The following KIAA1958 variants were observed in gnomAD, a reference collection of about 807,000 sequenced individuals.
KIAA1958 encodes the protein uncharacterized protein KIAA1958.
A neutral mutation model predicts 47.2 loss-of-function variants in KIAA1958; 14 were observed. That is an observed-to-expected ratio of 0.30 (90% CI 0.20 to 0.46). KIAA1958 has a LOEUF of 0.46. Among genes scored for constraint, KIAA1958 ranks in the 20% least tolerant of loss-of-function variants. The probability of loss-of-function intolerance (pLI) is 1.00; values close to 1 mark genes in which losing one functional copy is unlikely to be tolerated. For synonymous variants in KIAA1958, 354 were observed against 353.3 expected (o/e 1.00, Z -0.02); for missense variants, 803 against 909.2 (o/e 0.88, Z 1.50).
rs114126497 is a variant in KIAA1958, at chr9:112,497,823, A to G, written c.-25+10705A>G. ...CACTGCTCCCCCAACCATTTCTAAC[A>G]TATTTGTATGATTAGATTTGAGGAG... On this transcript the variant is annotated intron_variant, in intron 1 of 3. Transcript: ENST00000337530. 5.2e-3 allele frequency among the ~76,000 whole-genome samples: 792 copies of G among 152,238 alleles called. 7 individuals carry two copies. Among genetic ancestry groups the G allele is most frequent in the African/African-American group, 0.018 (758 of 41,540 alleles).
intron 2 of KIAA1958, among the ~76,000 whole-genome samples, chr9:112,602,761 C>A (rs1409749131): frequency 6.6e-6 from 1 of 152,170 alleles, no homozygotes; most frequent in Non-Finnish European, 1.5e-5. Context: ...GATGTCCACA[C>A]CACCTTCCCT....
Position 112,534,840 on chromosome 9 carries a change from G to A in KIAA1958, c.-24-39217G>A, listed in dbSNP as rs150094619. Among the ~76,000 whole-genome samples, 5 of 152,204 alleles carry A rather than the reference G, an allele frequency of 3.3e-5. No individual in the cohort carries two copies. In the East Asian group the frequency reaches 5.8e-4, roughly 18 times the overall value. On this transcript the variant is annotated intron_variant, in intron 1 of 3. Transcript: ENST00000337530. Reference sequence around the variant, plus strand: ...ATTACAGGCGTGAGCCACTGTGCCCGGCCAATCTTTTTCTTATTGATTTAT... The same window carrying A: ...ATTACAGGCGTGAGCCACTGTGCCCAGCCAATCTTTTTCTTATTGATTTAT...
intron 2 of KIAA1958, among the ~76,000 whole-genome samples, chr9:112,598,392 A>G (rs1178309113): frequency 6.6e-6 from 1 of 152,198 alleles, no homozygotes; most frequent in South Asian, 2.1e-4. Context: ...CTTAAGGACA[A>G]TAGGAATTCA....
chr9:112,577,484 T>A (rs964458553), intron 2 of KIAA1958, among the ~76,000 whole-genome samples: 7 of 152,070 alleles, frequency 4.6e-5, no homozygotes, highest in African/African-American at 1.4e-4. Flanking sequence ...CTTAAATGGT[T>A]ATGAACCTAG....
intron 1 of KIAA1958, among the ~76,000 whole-genome samples, chr9:112,539,923 T>G (rs561266146): frequency 6.6e-6 from 1 of 152,268 alleles, no homozygotes; most frequent in South Asian, 2.1e-4. Context: ...ACTCCTGACC[T>G]CAAATGATTC....
At chr9:112,590,601 T>C (rs538506454) in intron 2 of KIAA1958, among the ~76,000 whole-genome samples, 3 of 152,172 alleles carry the variant, frequency 2.0e-5, no homozygotes, top group African/African-American at 7.2e-5. Context: ...ATCCACCCGC[T>C]TGGGCTCCCA....
chr9:112,644,708 A>G (rs1423797624), intron 2 of KIAA1958, among the ~76,000 whole-genome samples: 3 of 152,158 alleles, frequency 2.0e-5, no homozygotes, highest in Non-Finnish European at 4.4e-5. Context: ...CCCCTCTGAA[A>G]TATTCCTCCC....
chr9:112,528,104 T>C (rs1197756752), intron 1 of KIAA1958, among the ~76,000 whole-genome samples: 2 of 152,164 alleles, frequency 1.3e-5, no homozygotes, highest in Non-Finnish European at 2.9e-5. Context: ...CCCACAACCT[T>C]ATACTTGATC....
At chr9:112,644,728 C>T (rs2131242315) in intron 2 of KIAA1958, among the ~76,000 whole-genome samples, 1 of 152,272 alleles carries the variant, frequency 6.6e-6, no homozygotes, top group Non-Finnish European at 1.5e-5. Context: ...CTCCTTCCTA[C>T]AATTTTTCTC....
intron 1 of KIAA1958, among the ~76,000 whole-genome samples, chr9:112,556,386 A>G (rs1010063966): frequency 5.9e-5 from 9 of 152,218 alleles, no homozygotes; most frequent in Non-Finnish European, 7.3e-5. Flanking sequence ...TTGCTACCAA[A>G]TACACATGCC....
intron 1 of KIAA1958, among the ~76,000 whole-genome samples, chr9:112,538,387 A>C (rs950989877): frequency 6.6e-6 from 1 of 152,110 alleles, no homozygotes; most frequent in Admixed American, 6.6e-5. Flanking sequence ...GATGTGTCAG[A>C]CTGAACTAAA....
At chr9:112,593,726 A>G (rs1260287545) in intron 2 of KIAA1958, among the ~76,000 whole-genome samples, 1 of 151,898 alleles carries the variant, frequency 6.6e-6, no homozygotes, top group African/African-American at 2.4e-5. Flanking sequence ...TTGTAGAGTT[A>G]GTAAGTAAAA....
chr9:112,520,846 C>T (rs963001286), intron 1 of KIAA1958, among the ~76,000 whole-genome samples: 1 of 152,142 alleles, frequency 6.6e-6, no homozygotes, highest in Non-Finnish European at 1.5e-5. Context: ...ATATGTTGGT[C>T]CTTTTCAACA....
chr9:112,525,084 C>T (rs1415888287), intron 1 of KIAA1958, among the ~76,000 whole-genome samples: 2 of 152,170 alleles, frequency 1.3e-5, no homozygotes, highest in African/African-American at 4.8e-5. Context: ...AGTTGATTTA[C>T]CATCTTTGGA....
intron 1 of KIAA1958, among the ~76,000 whole-genome samples, chr9:112,491,214 C>T (rs565895211): frequency 1.3e-5 from 2 of 152,312 alleles, no homozygotes; most frequent in African/African-American, 4.8e-5. Flanking sequence ...GATCTTCCTG[C>T]CTTGGCCTCC....
intron 2 of KIAA1958, among the ~76,000 whole-genome samples, chr9:112,639,644 T>A (rs1250699348): frequency 6.6e-6 from 1 of 152,154 alleles, no homozygotes; most frequent in Non-Finnish European, 1.5e-5. Context: ...GATACTTTTT[T>A]CTCTTGACTC....
chr9:112,544,991 C>G (rs1835003778), intron 1 of KIAA1958, among the ~76,000 whole-genome samples: 1 of 151,848 alleles, frequency 6.6e-6, no homozygotes, highest in Non-Finnish European at 1.5e-5. Context: ...CCTGAGTGCC[C>G]CAGCGATCAA....
Position 112,611,799 on chromosome 9 carries a change from G to A in KIAA1958, c.1172-33851G>A, listed in dbSNP as rs116268219. Among the ~76,000 whole-genome samples, 1,369 of 152,118 alleles carry A rather than the reference G, an allele frequency of 9.0e-3. 25 individuals carry two copies. Among genetic ancestry groups the A allele is most frequent in the African/African-American group, 0.031 (1,304 of 41,534 alleles). On this transcript the variant is annotated intron_variant, in intron 2 of 3. Coordinates refer to ENST00000337530, the MANE Select transcript of KIAA1958 (RefSeq NM_133465.4). ...GGAATGTTCTGAAATAATAGAGTAA[G>A]GAGGGGATTGAATAGGCTTGTCAAT...
chr9:112,664,642 G>GT lies in KIAA1958; in HGVS notation c.*4575dup, dbSNP rs1223259858. 6.6e-6 allele frequency: 1 copy of GT among 152,136 alleles called. No individual in the cohort carries two copies. Among genetic ancestry groups the GT allele is most frequent in the Non-Finnish European group, 1.5e-5 (1 of 68,012 alleles). 9.4% of individuals were successfully genotyped at this position (152,136 alleles called of 1,614,324 possible). On this transcript the variant is annotated 3_prime_UTR_variant, in exon 4 of 4. Transcript: ENST00000337530. Reference sequence around the variant, plus strand: ...TTGGAGTGAATTTTTAATACTCTGTGTTAAAAGAAAAACATTCCATCTTGT... The same window carrying GT: ...TTGGAGTGAATTTTTAATACTCTGTGTTTAAAAGAAAAACATTCCATCTTGT...
Sources: allele counts gnomAD v4.1 joint callset (sites outside exome capture counted in the v4.1 genomes callset), GRCh38; gene constraint gnomAD v4.1.1; transcripts MANE v1.5; gene names NCBI Gene and HGNC (gene_info 2026-07-23, HGNC 2026-07-21).